CNTN4: variants seen among roughly 807,000 people sequenced by gnomAD.
CNTN4 encodes contactin-4.
A neutral mutation model predicts 122.5 loss-of-function variants in CNTN4; 77 were observed. That is an observed-to-expected ratio of 0.63 (90% confidence interval 0.52 to 0.76). The LOEUF (loss-of-function observed/expected upper bound fraction) is 0.76, where lower values mean the gene tolerates loss of function less well. CNTN4 is among the 30% of genes least tolerant of loss of function. The pLI, the probability that CNTN4 is intolerant of heterozygous loss-of-function variation, is 0.00. For missense variants in CNTN4, 1,256 were observed against 1,259.1 expected, an observed-to-expected ratio of 1.00 and a Z score of 0.04; for synonymous variants, 512 against 447.0, an observed-to-expected ratio of 1.15 and a Z score of -1.83.
chr3:2,611,063 C>T (rs1177287639), intron 4 of CNTN4, among the ~76,000 whole-genome samples: 7 of 151,764 alleles, frequency 4.6e-5, no homozygotes, highest in East Asian at 1.9e-4. Context: ...TCATTTGATT[C>T]AGGTGATGAC....
Position 3,057,824 on chromosome 3 carries a change from A to G in CNTN4, c.*1604A>G, listed in dbSNP as rs1701908244. 6.6e-6 allele frequency: 1 copy of G among 152,538 alleles called. No homozygotes were observed. Among genetic ancestry groups the G allele is most frequent in the South Asian group, 2.1e-4 (1 of 4,828 alleles). The allele number at this position is 152,538 out of a possible 1,614,324, so 9.4% of individuals were successfully genotyped here. ...TAAAATCACATGCAAAAAAAAAATC[A>G]GCAAAATAATAAAATGAACGAAAAA... is the stretch of plus-strand genomic sequence containing the variant. On this transcript the variant is annotated 3_prime_UTR_variant, in exon 25 of 25. Transcript: ENST00000418658.
In CNTN4 at chr3:2,385,382, A is replaced by C. The variant is rs75175912; in HGVS notation, c.-89+46149A>C. Among the ~76,000 whole-genome samples the C allele has an allele frequency of 0.032, 4,889 of 152,210 alleles. 118 individuals carry two copies. The highest frequency in any genetic ancestry group is 0.078 in the Middle Eastern group (23 of 294). On this transcript the variant is annotated intron_variant, in intron 3 of 24. Transcript: ENST00000418658. This position sits in a 1 kb window ranked among gnomAD's most constrained non-coding sequence, Gnocchi z 4.0. ...TAACCTATTAGCATACTTAAGGCAG[A>C]GTCTTTGTCCTTTTCTCCACTATTA...
At chr3:2,329,735 A>AT (rs11442632) in intron 2 of CNTN4, among the ~76,000 whole-genome samples, 86,497 of 151,318 alleles carry the variant, frequency 0.57, 25,396 homozygotes, top group East Asian at 0.83. Context: ...TTATTGAGGC[A>AT]TTTTTTTTTA....
At chr3:2,525,706 C>G (rs1243081992) in intron 3 of CNTN4, among the ~76,000 whole-genome samples, 1 of 152,058 alleles carries the variant, frequency 6.6e-6, no homozygotes, top group Non-Finnish European at 1.5e-5. Flanking sequence ...AATATATTAT[C>G]TGGAACACAA....
chr3:2,824,602 C>T (rs962097714), intron 7 of CNTN4, among the ~76,000 whole-genome samples: 12 of 152,220 alleles, frequency 7.9e-5, no homozygotes, highest in African/African-American at 2.9e-4. Flanking sequence ...TCGATTTCCA[C>T]ATCACTCAAG....
intron 3 of CNTN4, among the ~76,000 whole-genome samples, chr3:2,407,936 G>A (rs2047098537): frequency 6.6e-6 from 1 of 152,144 alleles, no homozygotes; most frequent in African/African-American, 2.4e-5. Flanking sequence ...ATCTGTGTGT[G>A]TCTATGCACA....
intron 2 of CNTN4, among the ~76,000 whole-genome samples, chr3:2,266,306 GT>G (rs1192347470): frequency 6.6e-6 from 1 of 151,924 alleles, no homozygotes; most frequent in Non-Finnish European, 1.5e-5. Flanking sequence ...CACAAGTGTT[GT>G]TTTTCTTATA....
At chr3:2,187,750 G>T (rs2037342579) in intron 2 of CNTN4, among the ~76,000 whole-genome samples, 1 of 152,108 alleles carries the variant, frequency 6.6e-6, no homozygotes, top group Admixed American at 6.6e-5. Context: ...TATGCCGCTA[G>T]CCTTGCTTAC....
intron 2 of CNTN4, among the ~76,000 whole-genome samples, chr3:2,282,521 A>G (rs1017600012): frequency 2.6e-5 from 4 of 151,710 alleles, no homozygotes; most frequent in Admixed American, 2.6e-4. Flanking sequence ...TTCTGTTTTG[A>G]TGAATAGTTT....
At chr3:2,932,968 A>G (rs4358279) in intron 13 of CNTN4, among the ~76,000 whole-genome samples, 104,421 of 151,768 alleles carry the variant, frequency 0.69, 36,140 homozygotes, top group Middle Eastern at 0.79. Context: ...GACTACAGGC[A>G]CCCACCACTA....
chr3:2,189,685 C>T (rs1417279223), intron 2 of CNTN4, among the ~76,000 whole-genome samples: 1 of 152,064 alleles, frequency 6.6e-6, no homozygotes, highest in Non-Finnish European at 1.5e-5. Flanking sequence ...AGATGGCGCT[C>T]TTCATTATTC....
chr3:2,638,371 G>A (rs1432416294), intron 4 of CNTN4, among the ~76,000 whole-genome samples: 1 of 152,072 alleles, frequency 6.6e-6, no homozygotes, highest in Non-Finnish European at 1.5e-5. Context: ...TTCCCTTTCA[G>A]GAAGATGTGA....
chr3:2,375,150 T>A (rs2150702266), intron 3 of CNTN4, among the ~76,000 whole-genome samples: 1 of 152,328 alleles, frequency 6.6e-6, no homozygotes, highest in South Asian at 2.1e-4. Flanking sequence ...GTAGACAGTC[T>A]CTAGTGTCTC....
chr3:2,665,037 C>G (rs1267213425), intron 4 of CNTN4, among the ~76,000 whole-genome samples: 2 of 152,146 alleles, frequency 1.3e-5, no homozygotes, highest in Non-Finnish European at 2.9e-5. Flanking sequence ...AACAAGGGCT[C>G]TCTCCGGGAC....
chr3:2,845,527 TA>T (rs2093441586), intron 7 of CNTN4, among the ~76,000 whole-genome samples: 1 of 152,344 alleles, frequency 6.6e-6, no homozygotes, highest in South Asian at 2.1e-4. Context: ...GGCATTACTT[TA>T]TGGTTTCCCA....
chr3:2,792,965 T>C (rs2092059675), intron 6 of CNTN4, among the ~76,000 whole-genome samples: 1 of 152,202 alleles, frequency 6.6e-6, no homozygotes, highest in Non-Finnish European at 1.5e-5. Flanking sequence ...GGGACATCTC[T>C]GTCACACCAC....
intron 2 of CNTN4, among the ~76,000 whole-genome samples, chr3:2,206,106 C>T (rs868866477): frequency 6.6e-6 from 1 of 152,104 alleles, no homozygotes; most frequent in Middle Eastern, 3.4e-3. Context: ...TTTTTCCTTC[C>T]ATGGACCTTC....
At chr3:2,302,892 G>A (rs2042575020) in intron 2 of CNTN4, among the ~76,000 whole-genome samples, 1 of 152,198 alleles carries the variant, frequency 6.6e-6, no homozygotes, top group South Asian at 2.1e-4. Flanking sequence ...ATAAATATGT[G>A]AATGAAATTT....
intron 2 of CNTN4, among the ~76,000 whole-genome samples, chr3:2,227,428 G>C (rs1200622273): frequency 1.3e-5 from 2 of 152,144 alleles, no homozygotes; most frequent in African/African-American, 4.8e-5. Flanking sequence ...CTGACTAATA[G>C]TTAGTGTCCT....
Sources: gnomAD v4.1 joint callset for allele counts (sites outside exome capture counted in the v4.1 genomes callset) on GRCh38, gnomAD v4.1.1 for gene constraint, Gnocchi (gnomAD v3.1) non-coding constraint, MANE v1.5 for transcripts, NCBI Gene and HGNC (gene_info 2026-07-23, HGNC 2026-07-21) for gene names.